OR51B5: variants seen among roughly 807,000 people sequenced by gnomAD.
The protein encoded by OR51B5 is olfactory receptor family 51 subfamily B member 5, also known as olfactory receptor 51B5.
For synonymous variants in OR51B5, 186 were observed against 144.8 expected (o/e 1.28, Z -2.04); for missense variants, 456 against 374.6 (o/e 1.22, Z -1.79).
At chr11:5,497,581 A>C (rs1215340788) in intron 1 of OR51B5, among the ~76,000 whole-genome samples, 2 of 152,224 alleles carry the variant, frequency 1.3e-5, no homozygotes, top group African/African-American at 4.8e-5. Flanking sequence ...CAAAGAAAAC[A>C]GAGATTAAAA....
chr11:5,353,512 C>G (rs1004367819), intron 1 of OR51B5, among the ~76,000 whole-genome samples: 1 of 152,108 alleles, frequency 6.6e-6, no homozygotes, highest in Non-Finnish European at 1.5e-5. Context: ...AGGCAATGCT[C>G]ATAACTAGAA....
At chr11:5,385,565 A>G (rs1849676007) in intron 1 of OR51B5, 1 of 152,116 alleles carries the variant, frequency 6.6e-6, no homozygotes, top group African/African-American at 2.4e-5. Context: ...GCCTTTAGAG[A>G]ATTCCAGTCT....
intron 1 of OR51B5, among the ~76,000 whole-genome samples, chr11:5,373,960 C>A (rs1419204670): frequency 6.6e-6 from 1 of 152,200 alleles, no homozygotes; most frequent in Non-Finnish European, 1.5e-5. Flanking sequence ...CCCTGTCTGA[C>A]AGCTTTGAGG....
chr11:5,460,213 G>A (rs1479571269), intron 1 of OR51B5, among the ~76,000 whole-genome samples: 16 of 152,124 alleles, frequency 1.1e-4, no homozygotes, highest in Admixed American at 1.0e-3. Flanking sequence ...CACAGAGAAG[G>A]GAACAACAGA....
At chr11:5,415,124 C>A (rs1850219888) in intron 1 of OR51B5, among the ~76,000 whole-genome samples, 1 of 152,174 alleles carries the variant, frequency 6.6e-6, no homozygotes, top group South Asian at 2.1e-4. Flanking sequence ...AAGAAACTCA[C>A]TCAAAACCAC....
At chr11:5,361,423 G>A (rs1365860842) in intron 1 of OR51B5, among the ~76,000 whole-genome samples, 1 of 152,082 alleles carries the variant, frequency 6.6e-6, no homozygotes, top group Non-Finnish European at 1.5e-5. Context: ...CTAAAAAGTT[G>A]GTGTTGGATC....
At chr11:5,397,734 A>T (rs1849900165) in intron 1 of OR51B5, among the ~76,000 whole-genome samples, 1 of 151,314 alleles carries the variant, frequency 6.6e-6, no homozygotes, top group East Asian at 1.9e-4. Flanking sequence ...TCATGCTGCT[A>T]TAAAGACACA....
At chr11:5,348,324 TTCTTTAATCTC>T (rs199861473), upstream of OR51B5, among the ~76,000 whole-genome samples, 2,015 of 152,254 alleles carry the variant, frequency 0.013, 29 homozygotes, top group Middle Eastern at 0.024. Context: ...ACCTGACTGA[TTCTTTAATCTC>T]TCTGGCTTCC....
chr11:5,349,575 G>A (rs939590260), intron 1 of OR51B5, among the ~76,000 whole-genome samples: 2 of 152,042 alleles, frequency 1.3e-5, no homozygotes, highest in Admixed American at 1.3e-4. Context: ...AAGTTATTAT[G>A]TGAGGTGATA....
At chr11:5,436,603 C>T (rs1321454855) in intron 1 of OR51B5, among the ~76,000 whole-genome samples, 1 of 152,154 alleles carries the variant, frequency 6.6e-6, no homozygotes, top group Non-Finnish European at 1.5e-5. Context: ...GCTGGCAGAC[C>T]ATGAGGGTAT....
chr11:5,503,660 A>G (rs756277322), intron 1 of OR51B5, among the ~76,000 whole-genome samples: 7 of 152,222 alleles, frequency 4.6e-5, no homozygotes, highest in Non-Finnish European at 1.0e-4. Flanking sequence ...CAAAGTTAAA[A>G]TAATTGAGGA....
intron 1 of OR51B5, among the ~76,000 whole-genome samples, chr11:5,409,036 T>C (rs1244605406): frequency 6.6e-6 from 1 of 152,170 alleles, no homozygotes; most frequent in Non-Finnish European, 1.5e-5. Flanking sequence ...CTAACCTTTT[T>C]TAAAAGGGAT....
chr11:5,483,413 C>T (rs1479474680), intron 1 of OR51B5, among the ~76,000 whole-genome samples: 12 of 141,258 alleles, frequency 8.5e-5, no homozygotes, highest in Non-Finnish European at 7.6e-5. Context: ...CGCTAGATGA[C>T]GAGTTAGTGG....
intron 1 of OR51B5, among the ~76,000 whole-genome samples, chr11:5,464,714 CTT>C (rs1851111241): frequency 6.6e-6 from 1 of 152,064 alleles, no homozygotes; most frequent in Admixed American, 6.6e-5. Context: ...GGTTCCAAGT[CTT>C]TGCTATTGTG....
At chr11:5,398,918 G>C (rs7925918) in intron 1 of OR51B5, among the ~76,000 whole-genome samples, 4 of 151,806 alleles carry the variant, frequency 2.6e-5, no homozygotes, top group African/African-American at 9.7e-5. Flanking sequence ...AGTATCTTTA[G>C]AGCAGTGTGA....
intron 1 of OR51B5, among the ~76,000 whole-genome samples, chr11:5,363,766 G>C (rs1257473127): frequency 1.3e-5 from 2 of 152,030 alleles, no homozygotes; most frequent in Non-Finnish European, 2.9e-5. Flanking sequence ...ATTTTCATGA[G>C]GATTCTATTA....
intron 1 of OR51B5, among the ~76,000 whole-genome samples, chr11:5,358,920 A>C (rs1219854425): frequency 6.6e-6 from 1 of 151,882 alleles, no homozygotes; most frequent in Non-Finnish European, 1.5e-5. Flanking sequence ...AGATGCAGAA[A>C]AGGCCTTTGA....
intron 1 of OR51B5, among the ~76,000 whole-genome samples, chr11:5,382,854 T>A (rs778304446): frequency 6.6e-5 from 10 of 152,110 alleles, no homozygotes; most frequent in Non-Finnish European, 1.2e-4. Flanking sequence ...ACTTCATGGG[T>A]CTCTGTCCTG....
intron 1 of OR51B5, among the ~76,000 whole-genome samples, chr11:5,405,153 T>A (rs566054375): frequency 1.3e-5 from 2 of 152,312 alleles, no homozygotes; most frequent in South Asian, 4.1e-4. Context: ...GGGAAAGAAA[T>A]TAAGATTTTT....
Sources: allele counts gnomAD v4.1 joint callset (sites outside exome capture counted in the v4.1 genomes callset), GRCh38; gene constraint gnomAD v4.1.1; transcripts MANE v1.5; gene names NCBI Gene and HGNC (gene_info 2026-07-23, HGNC 2026-07-21).